Variants in GSE1 observed in about 807,000 individuals in gnomAD.
GSE1 encodes Gse1 coiled-coil protein.
GSE1 carries 32 observed loss-of-function variants against 112.6 expected under a neutral mutation model. That is an observed-to-expected ratio of 0.28 (90% confidence interval 0.21 to 0.38). GSE1 has a LOEUF of 0.38. GSE1 is among the 10% of genes least tolerant of loss of function. The pLI, the probability that GSE1 is intolerant of heterozygous loss-of-function variation, is 1.00. For missense variants in GSE1, 2,348 were observed against 1,699.2 expected, an observed-to-expected ratio of 1.38 and a Z score of -6.71; for synonymous variants, 1,115 against 735.6, an observed-to-expected ratio of 1.52 and a Z score of -8.35.
At chr16:85,315,029 AT>A (rs1291284554) in intron 1 of GSE1, among the ~76,000 whole-genome samples, 1 of 152,256 alleles carries the variant, frequency 6.6e-6, no homozygotes, top group Non-Finnish European at 1.5e-5. Context: ...AATCTGCAGC[AT>A]GTCCCAGGAC....
At chr16:85,308,218 G>A (rs2045733773) in intron 1 of GSE1, among the ~76,000 whole-genome samples, 1 of 152,204 alleles carries the variant, frequency 6.6e-6, no homozygotes, top group Non-Finnish European at 1.5e-5. Context: ...GAAGCCCTCA[G>A]CTCTGAAGAC....
At chr16:85,617,978 T>G (rs939369306) in intron 1 of GSE1, among the ~76,000 whole-genome samples, 1 of 152,140 alleles carries the variant, frequency 6.6e-6, no homozygotes, top group Non-Finnish European at 1.5e-5. Context: ...GGGCCTTGTG[T>G]TAACCCCAGG....
chr16:85,665,558 G>A (rs2052776510), intron 12 of GSE1, among the ~76,000 whole-genome samples: 1 of 150,778 alleles, frequency 6.6e-6, no homozygotes, highest in African/African-American at 2.4e-5. Context: ...TGCCCTCTGG[G>A]CCCTGCCGGC....
intron 2 of GSE1, among the ~76,000 whole-genome samples, chr16:85,492,460 C>G (rs2051041696): frequency 6.6e-6 from 1 of 152,164 alleles, no homozygotes; most frequent in Admixed American, 6.5e-5. Context: ...AAATGCTTAC[C>G]TGGTGCTTAC....
upstream of GSE1, among the ~76,000 whole-genome samples, chr16:85,609,743 C>T (rs560083247): frequency 7.2e-5 from 11 of 152,280 alleles, no homozygotes; most frequent in African/African-American, 2.4e-4. Context: ...CGACCTCTGC[C>T]TCCTGGGCTC....
intron 1 of GSE1, among the ~76,000 whole-genome samples, chr16:85,559,252 C>T (rs1320124141): frequency 6.6e-6 from 1 of 152,234 alleles, no homozygotes; most frequent in Non-Finnish European, 1.5e-5. Flanking sequence ...CTGCTGCCAT[C>T]CACCCACTTA....
chr16:85,253,738 G>GTGGAGGGA (rs1906767098), intron 1 of GSE1, among the ~76,000 whole-genome samples: 1 of 152,218 alleles, frequency 6.6e-6, no homozygotes, highest in Non-Finnish European at 1.5e-5. Context: ...AGTGCTCCCG[G>GTGGAGGGA]TGGAGGGAAC....
chr16:85,187,751 G>T (rs1221872597), intron 1 of GSE1, among the ~76,000 whole-genome samples: 2 of 152,220 alleles, frequency 1.3e-5, no homozygotes, highest in Non-Finnish European at 2.9e-5. Context: ...GACAGGCTTG[G>T]GACCGACCTC....
chr16:85,327,012 G>T (rs1249286479), intron 1 of GSE1, among the ~76,000 whole-genome samples: 1 of 152,232 alleles, frequency 6.6e-6, no homozygotes, highest in African/African-American at 2.4e-5. Context: ...CACCAGGGGA[G>T]GCAGCTCCCC....
chr16:85,475,776 C>CT (rs57562071), intron 2 of GSE1, among the ~76,000 whole-genome samples: 29 of 145,920 alleles, frequency 2.0e-4, no homozygotes, highest in African/African-American at 6.7e-4. Flanking sequence ...AATTGTTTTT[C>CT]TTTTTTTTTT....
At chr16:85,613,149 T>C (rs991623768), upstream of GSE1, 1 of 1,291,220 alleles carries the variant, frequency 7.7e-7, no homozygotes, top group African/African-American at 1.6e-5. Flanking sequence ...CACCTCCCGC[T>C]GGCTGAGGTC....
At chr16:85,614,543 C>G (rs955665262) in intron 1 of GSE1, among the ~76,000 whole-genome samples, 1 of 152,134 alleles carries the variant, frequency 6.6e-6, no homozygotes, top group Non-Finnish European at 1.5e-5. Context: ...CCGCGACACC[C>G]TCATTAGATG....
chr16:85,650,068 T>G (rs1178488565), intron 3 of GSE1, among the ~76,000 whole-genome samples: 1 of 152,162 alleles, frequency 6.6e-6, no homozygotes, highest in African/African-American at 2.4e-5. Flanking sequence ...GTCCTCACCT[T>G]GCTGGACCTC....
chr16:85,449,781 A>C (rs890845339), intron 2 of GSE1, among the ~76,000 whole-genome samples: 2 of 152,174 alleles, frequency 1.3e-5, no homozygotes, highest in Non-Finnish European at 2.9e-5. Context: ...GACTTCTCTG[A>C]TCCTGTCTCC....
chr16:85,250,284 C>A (rs757009086), intron 1 of GSE1, among the ~76,000 whole-genome samples: 1 of 152,252 alleles, frequency 6.6e-6, no homozygotes. Flanking sequence ...GGGTTCCCGG[C>A]AGAGGTTCTC....
At chr16:85,183,888 C>A (rs1471818616) in intron 1 of GSE1, among the ~76,000 whole-genome samples, 1 of 152,176 alleles carries the variant, frequency 6.6e-6, no homozygotes, top group African/African-American at 2.4e-5. Flanking sequence ...TGCCTCCTTT[C>A]TAGAACTTTC....
At chr16:85,303,068 G>A (rs1482263565) in intron 1 of GSE1, among the ~76,000 whole-genome samples, 3 of 152,226 alleles carry the variant, frequency 2.0e-5, no homozygotes, top group African/African-American at 4.8e-5. Context: ...CTGCAGCGAG[G>A]GGGTGAAAAT....
intron 1 of GSE1, among the ~76,000 whole-genome samples, chr16:85,275,495 C>T (rs1036002732): frequency 2.6e-5 from 4 of 152,232 alleles, no homozygotes; most frequent in Non-Finnish European, 4.4e-5. Context: ...GAGTCTCAGA[C>T]CTGTCTCACT....
Position 85,456,497 on chromosome 16 carries a change from C to T in GSE1, c.2464+98854C>T, listed in dbSNP as rs556192903. Among the ~76,000 whole-genome samples the T allele has an allele frequency of 5.9e-5, 9 of 151,816 alleles. No individual in the cohort carries two copies. In the South Asian group the frequency reaches 8.3e-4, roughly 14 times the overall value. Reference sequence around the variant, plus strand: ...CACCATTTCACACTGCCACGAAGTCCGGGGTGGTGTGGTAGGGACCAGGAC... The same window carrying T: ...CACCATTTCACACTGCCACGAAGTCTGGGGTGGTGTGGTAGGGACCAGGAC... On this transcript the variant is annotated intron_variant, in intron 2 of 2. Coordinates refer to the GSE1 transcript ENST00000637419.
Sources: allele counts gnomAD v4.1 joint callset (sites outside exome capture counted in the v4.1 genomes callset), GRCh38; gene constraint gnomAD v4.1.1; transcripts MANE v1.5; gene names NCBI Gene and HGNC (gene_info 2026-07-23, HGNC 2026-07-21).